Variants in ADRA1A observed in about 807,000 individuals in gnomAD.
ADRA1A encodes adrenoceptor alpha 1A.
ADRA1A carries 31 observed loss-of-function variants against 29.6 expected under a neutral mutation model. The observed-to-expected ratio is 1.05, with a 90% CI of 0.79 to 1.41. ADRA1A has a LOEUF of 1.41. Ranked by LOEUF, ADRA1A falls within the 40% of genes most tolerant of loss-of-function variation. ADRA1A has a pLI of 0.00. For missense variants in ADRA1A, 619 were observed against 601.1 expected, an observed-to-expected ratio of 1.03 and a Z score of -0.31; for synonymous variants, 311 against 254.3, an observed-to-expected ratio of 1.22 and a Z score of -2.12.
chr8:26,764,275 T>C (rs1805658564), downstream of ADRA1A, among the ~76,000 whole-genome samples: 1 of 152,194 alleles, frequency 6.6e-6, no homozygotes, highest in Admixed American at 6.5e-5. Context: ...CATGTCACCC[T>C]GTGGAGCAAA....
At chr8:26,761,736 A>G (rs1365138783), downstream of ADRA1A, among the ~76,000 whole-genome samples, 4 of 152,218 alleles carry the variant, frequency 2.6e-5, no homozygotes, top group Non-Finnish European at 5.9e-5. Context: ...CAGGGCTACA[A>G]ATGCATGGAG....
chr8:26,824,802 A>G (rs1316974777), intron 2 of ADRA1A, among the ~76,000 whole-genome samples: 1 of 152,250 alleles, frequency 6.6e-6, no homozygotes, highest in Non-Finnish European at 1.5e-5. Flanking sequence ...AGAGTGACTA[A>G]TACCCAGAGA....
Position 26,821,930 on chromosome 8 carries a change from T to C in ADRA1A, c.883+42157A>G, listed in dbSNP as rs917421561. On this transcript the variant is annotated intron_variant, in intron 2 of 2. Transcript: ENST00000380573. This position sits in a 1 kb window ranked among gnomAD's most constrained non-coding sequence, Gnocchi z 5.6. Reference sequence around the variant, plus strand: ...ATCTAGAGAATGTTGCACATATCAATAGCTTGCTATTTTTTATTGCTAAGT... The same window carrying C: ...ATCTAGAGAATGTTGCACATATCAACAGCTTGCTATTTTTTATTGCTAAGT... Among the ~76,000 whole-genome samples the C allele has an allele frequency of 3.3e-5, 5 of 152,244 alleles. No individual in the cohort carries two copies. Among genetic ancestry groups the C allele is most frequent in the African/African-American group, 1.2e-4 (5 of 41,466 alleles).
At chr8:26,859,999 C>G (rs1038435348) in intron 2 of ADRA1A, among the ~76,000 whole-genome samples, 1 of 152,042 alleles carries the variant, frequency 6.6e-6, no homozygotes, top group Admixed American at 6.5e-5. Context: ...AACTCCTGAC[C>G]TCAAGTGATC....
chr8:26,845,766 A>G (rs1238105454), intron 2 of ADRA1A, among the ~76,000 whole-genome samples: 8 of 152,242 alleles, frequency 5.3e-5, no homozygotes, highest in African/African-American at 1.9e-4. Context: ...AAAAGGAATG[A>G]AGTCCTGAAA....
At chr8:26,837,004 T>C (rs1355906332) in intron 2 of ADRA1A, among the ~76,000 whole-genome samples, 2 of 152,128 alleles carry the variant, frequency 1.3e-5, no homozygotes, top group Non-Finnish European at 2.9e-5. Flanking sequence ...AGGGTTTTGG[T>C]TTGAATCTCA....
In ADRA1A at chr8:26,841,432, T is replaced by C. The variant is rs1376023746; in HGVS notation, c.883+22655A>G. Among the ~76,000 whole-genome samples, 3 of 152,200 alleles carry C rather than the reference T, an allele frequency of 2.0e-5. No individual in the cohort carries two copies. The highest frequency in any genetic ancestry group is 1.9e-4 in the East Asian group (1 of 5,196). On this transcript the variant is annotated intron_variant, in intron 2 of 2. Coordinates refer to ENST00000380573, the MANE Select transcript of ADRA1A (RefSeq NM_000680.4). The surrounding 1 kb of genome is among the most constrained non-coding windows in gnomAD (Gnocchi z 4.4). ...TGAAGGCATCGGGCTTTCCCAGATA[T>C]CCTTTGCATTCAAATCCTCTCAACC...
At chr8:26,752,479 C>CT (rs1220653436), downstream of ADRA1A, among the ~76,000 whole-genome samples, 1 of 152,164 alleles carries the variant, frequency 6.6e-6, no homozygotes, top group African/African-American at 2.4e-5. Context: ...CCAGGTATCC[C>CT]TTTTTTATTG....
chr8:26,769,635 C>T lies in ADRA1A; in HGVS notation c.*514G>A, dbSNP rs1200763063. Reference sequence around the variant, plus strand: ...TATCAGAAAGGGTGGAGTTTCAGGACTTGCTCTAAAAATAATGTGTCTGGA... The same window carrying T: ...TATCAGAAAGGGTGGAGTTTCAGGATTTGCTCTAAAAATAATGTGTCTGGA... On this transcript the variant is annotated 3_prime_UTR_variant, in exon 3 of 3. Transcript: ENST00000380573. 1 of 985,530 alleles carries T rather than the reference C, an allele frequency of 1.0e-6. No individual in the cohort carries two copies. The highest frequency in any genetic ancestry group is 1.2e-6 in the Non-Finnish European group (1 of 830,124). 61.0% of individuals were successfully genotyped at this position (985,530 alleles called of 1,614,324 possible).
At chr8:26,817,612 T>C (rs940984106) in intron 2 of ADRA1A, among the ~76,000 whole-genome samples, 3 of 152,030 alleles carry the variant, frequency 2.0e-5, no homozygotes, top group African/African-American at 7.3e-5. Context: ...ATGCTGCCTC[T>C]ACAAAAAATA....
intron 2 of ADRA1A, among the ~76,000 whole-genome samples, chr8:26,812,870 G>T (rs1243808134): frequency 6.6e-6 from 1 of 151,918 alleles, no homozygotes; most frequent in Non-Finnish European, 1.5e-5. Context: ...GTTTCACCGT[G>T]TTAGCCAGGA....
At chr8:26,809,196 G>A (rs1174380212) in intron 2 of ADRA1A, among the ~76,000 whole-genome samples, 2 of 152,118 alleles carry the variant, frequency 1.3e-5, no homozygotes, top group Non-Finnish European at 2.9e-5. Flanking sequence ...TACTGCCAAA[G>A]CTAATTTGAA....
At chr8:26,801,145 T>C (rs576765723) in intron 2 of ADRA1A, among the ~76,000 whole-genome samples, 1 of 152,216 alleles carries the variant, frequency 6.6e-6, no homozygotes, top group East Asian at 1.9e-4. Flanking sequence ...ATAAAAGCCA[T>C]ATATGACAGA....
At chr8:26,756,302 G>T, downstream of ADRA1A, 2 of 540,780 alleles carry the variant, frequency 3.7e-6, no homozygotes, top group Non-Finnish European at 5.7e-6. Context: ...TATACTTGAT[G>T]AATACATCTC....
chr8:26,824,972 A>C (rs1483604434), intron 2 of ADRA1A, among the ~76,000 whole-genome samples: 1 of 152,234 alleles, frequency 6.6e-6, no homozygotes, highest in Non-Finnish European at 1.5e-5. Flanking sequence ...CTCTGATTGA[A>C]CATTGGATTT....
intron 2 of ADRA1A, among the ~76,000 whole-genome samples, chr8:26,849,985 A>T (rs1009950645): frequency 6.1e-5 from 9 of 148,424 alleles, no homozygotes; most frequent in African/African-American, 1.8e-4. Flanking sequence ...ATGGAAATTT[A>T]AAAAAAAATA....
At chr8:26,767,183 C>T (rs904046192), downstream of ADRA1A, among the ~76,000 whole-genome samples, 23 of 152,250 alleles carry the variant, frequency 1.5e-4, no homozygotes, top group Admixed American at 1.2e-3. Context: ...CATAATGTCA[C>T]GTTGATTTTT....
chr8:26,838,868 G>C (rs986196770), intron 2 of ADRA1A, among the ~76,000 whole-genome samples: 1 of 152,164 alleles, frequency 6.6e-6, no homozygotes, highest in African/African-American at 2.4e-5. Context: ...ACCCCCTCAG[G>C]TAAACCACCA....
At chr8:26,802,393 A>G (rs1808650351) in intron 2 of ADRA1A, among the ~76,000 whole-genome samples, 1 of 152,204 alleles carries the variant, frequency 6.6e-6, no homozygotes, top group Non-Finnish European at 1.5e-5. Flanking sequence ...ACATACAATA[A>G]TCTGATTAAA....
Sources: allele counts gnomAD v4.1 joint callset (sites outside exome capture counted in the v4.1 genomes callset), GRCh38; gene constraint gnomAD v4.1.1; non-coding constraint Gnocchi (gnomAD v3.1); transcripts MANE v1.5; gene names NCBI Gene and HGNC (gene_info 2026-07-23, HGNC 2026-07-21).